FBN2: variants seen among roughly 807,000 people sequenced by gnomAD.
FBN2 encodes the protein fibrillin 2.
FBN2 carries 105 observed loss-of-function variants against 355.6 expected under a neutral mutation model. That is an observed-to-expected ratio of 0.30 (90% confidence interval 0.25 to 0.35). The LOEUF (loss-of-function observed/expected upper bound fraction) is 0.35, where lower values mean the gene tolerates loss of function less well. FBN2 is among the 10% of genes least tolerant of loss of function. FBN2 has a pLI of 1.00. For missense variants in FBN2, 3,280 were observed against 3,758.7 expected, an observed-to-expected ratio of 0.87 and a Z score of 3.33; for synonymous variants, 1,350 against 1,301.2, an observed-to-expected ratio of 1.04 and a Z score of -0.81.
intron 2 of FBN2, among the ~76,000 whole-genome samples, chr5:128,533,583 T>C (rs879442508): frequency 2.0e-5 from 3 of 152,206 alleles, no homozygotes; most frequent in African/African-American, 4.8e-5. Context: ...GAATACATAG[T>C]ACCCAAAAGG....
chr5:128,312,739 A>G lies in FBN2; in HGVS notation c.4774T>C (p.Ser1592Pro). 1 of 1,613,810 alleles carries G rather than the reference A, an allele frequency of 6.2e-7. No individual in the cohort carries two copies. The highest frequency in any genetic ancestry group is 8.5e-7 in the Non-Finnish European group (1 of 1,179,940). Residue 1592 changes from serine (S) to proline (P), a missense_variant, in exon 37 of 65, where the codon TCT (serine) becomes CCT (proline). By Grantham distance (74) the Ser-to-Pro change is moderately conservative. Transcript: ENST00000262464. ...CCCACCCCGATCTCGGTGTTGCAAG[A>G]CAGACTCCCATCTCCTCGAGGTCCA... ...KFGPRGDGSL[S>P]CNTEIGVGVS...
chr5:128,364,700 A>G lies in FBN2; in HGVS notation c.2328T>C (p.Pro776=). ...GRDINECALD[P]DICANGICEN... is the part of the protein sequence containing the mutation. ...CACAAATCCCATTGGCACATATATC[A>G]GGATCCAAAGCACATTCATTGATAT... Residue 776 remains proline (P), a synonymous_variant, in exon 18 of 65, where the codon CCT becomes CCC. Coordinates refer to ENST00000262464, the MANE Select transcript of FBN2 (RefSeq NM_001999.4). The G allele has an allele frequency of 6.2e-7, 1 of 1,612,740 alleles. No homozygotes were observed. Among genetic ancestry groups the G allele is most frequent in the African/African-American group, 1.3e-5 (1 of 75,038 alleles).
chr5:128,435,629 T>C (rs1311503749), intron 7 of FBN2, among the ~76,000 whole-genome samples: 1 of 152,216 alleles, frequency 6.6e-6, no homozygotes, highest in Admixed American at 6.5e-5. Flanking sequence ...GATGGACATT[T>C]GGGTCCCAAA....
At chr5:128,305,107 A>C in intron 44 of FBN2, 25 bp from the exon 45 acceptor site, 1 of 1,538,022 alleles carries the variant, frequency 6.5e-7, no homozygotes, top group Non-Finnish European at 8.9e-7. Flanking sequence ...AATAAATGTT[A>C]CATGTATCTG....
intron 55 of FBN2, among the ~76,000 whole-genome samples, chr5:128,285,191 C>T (rs936495325): frequency 4.8e-5 from 5 of 103,902 alleles, no homozygotes; most frequent in Non-Finnish European, 6.2e-5. Flanking sequence ...CCGTTGCAAT[C>T]GACTTTTTTG....
chr5:128,489,059 C>T (rs576868015), intron 5 of FBN2, among the ~76,000 whole-genome samples: 1 of 151,918 alleles, frequency 6.6e-6, no homozygotes, highest in Admixed American at 6.6e-5. Context: ...AGTTCTAGAT[C>T]CCTGAGGAAT....
At chr5:128,289,839 T>C (rs1307428691) in intron 51 of FBN2, 43 bp downstream of exon 51, 7 of 1,056,266 alleles carry the variant, frequency 6.6e-6, no homozygotes, top group Non-Finnish European at 8.8e-6. Flanking sequence ...ATAATACGTG[T>C]GTATTAAATA....
intron 25 of FBN2, among the ~76,000 whole-genome samples, chr5:128,343,052 AGAG>A (rs1249691412): frequency 1.3e-5 from 2 of 152,080 alleles, no homozygotes; most frequent in Non-Finnish European, 2.9e-5. Flanking sequence ...TTATCACTAG[AGAG>A]GAGGCTGTGT....
At chr5:128,500,650 T>C (rs1436997568) in intron 5 of FBN2, among the ~76,000 whole-genome samples, 1 of 151,816 alleles carries the variant, frequency 6.6e-6, no homozygotes, top group Non-Finnish European at 1.5e-5. Flanking sequence ...TTCACCATGT[T>C]AGCCAGGATG....
intron 14 of FBN2, 126 bp from the exon 15 acceptor site, chr5:128,374,876 A>AATT: frequency 1.0e-6 from 1 of 998,160 alleles, no homozygotes; most frequent in Non-Finnish European, 1.5e-6. Flanking sequence ...GTGAAGAACA[A>AATT]ATAAGTGTGG....
At chr5:128,464,443 TAG>T (rs1754646368) in intron 6 of FBN2, among the ~76,000 whole-genome samples, 1 of 152,182 alleles carries the variant, frequency 6.6e-6, no homozygotes, top group Non-Finnish European at 1.5e-5. Context: ...TAGATAAAAA[TAG>T]AGTGGTTCAT....
chr5:128,394,852 C>CATGG (rs1561435143), intron 9 of FBN2, among the ~76,000 whole-genome samples: 1 of 152,148 alleles, frequency 6.6e-6, no homozygotes, highest in East Asian at 1.9e-4. Context: ...GTGGCATGAT[C>CATGG]ATGGATGGCT....
chr5:128,490,398 G>A (rs1253418745), intron 5 of FBN2, among the ~76,000 whole-genome samples: 1 of 152,084 alleles, frequency 6.6e-6, no homozygotes, highest in Non-Finnish European at 1.5e-5. Context: ...AGTGCAAAGC[G>A]AACAAAGATA....
chr5:128,479,762 AC>A (rs1457034540), intron 5 of FBN2, among the ~76,000 whole-genome samples: 1 of 151,686 alleles, frequency 6.6e-6, no homozygotes, highest in Admixed American at 6.6e-5. Flanking sequence ...CTCCATCTGT[AC>A]AAAATATTAA....
Position 128,286,706 on chromosome 5 carries a change from C to T in FBN2, c.7012+12G>A. 6.2e-7 allele frequency: 1 copy of T among 1,613,858 alleles called. No homozygotes were observed. The highest frequency in any genetic ancestry group is 2.2e-5 in the East Asian group (1 of 44,864). ...GGCATTACATAAGCAGACACCTTCC[C>T]TTACCGCTTACCTACACAGCCTTCT... On this transcript the variant is annotated intron_variant, in intron 55 of 64. Transcript: ENST00000262464.
At chr5:128,477,034 A>C (rs1208757401) in intron 5 of FBN2, among the ~76,000 whole-genome samples, 4 of 152,264 alleles carry the variant, frequency 2.6e-5, no homozygotes, top group Admixed American at 6.5e-5. Context: ...GAAATTGACA[A>C]TTTTAGCAGT....
chr5:128,263,944 T>C (rs1052724593), intron 62 of FBN2, among the ~76,000 whole-genome samples: 2 of 152,208 alleles, frequency 1.3e-5, no homozygotes, highest in Non-Finnish European at 2.9e-5. Flanking sequence ...AACTCTTCTA[T>C]TCTCTTAACA....
chr5:128,347,904 G>A (rs996582526), intron 23 of FBN2, among the ~76,000 whole-genome samples: 5 of 151,736 alleles, frequency 3.3e-5, no homozygotes, highest in Non-Finnish European at 5.9e-5. Context: ...TCAGTCCCTC[G>A]AGTAGCTGGG....
rs536561821 is a variant in FBN2, at chr5:128,461,978, AAAAT to A, written c.826+2742_826+2745del. Among the ~76,000 whole-genome samples, 163 of 152,304 alleles carry A rather than the reference AAAAT, an allele frequency of 1.1e-3. 2 individuals are homozygous for A. Among genetic ancestry groups the A allele is most frequent in the Non-Finnish European group, 4.7e-4 (32 of 68,014 alleles). ...TCGTTTTTTTAATAAGAAATAAAGC[AAAAT>A]AAATAAATAAAATAAAGTTACTGAT... On this transcript the variant is annotated intron_variant, in intron 6 of 64. Transcript: ENST00000262464.
Sources: allele counts gnomAD v4.1 joint callset (sites outside exome capture counted in the v4.1 genomes callset), GRCh38; gene constraint gnomAD v4.1.1; transcripts MANE v1.5; gene names NCBI Gene and HGNC (gene_info 2026-07-23, HGNC 2026-07-21).